Variants in DRD1 observed in about 807,000 individuals in gnomAD.
DRD1 encodes dopamine receptor D1.
In DRD1, 2 loss-of-function variants were observed where a neutral mutation model predicts 23.8. That is an observed-to-expected ratio of 0.08 (90% CI 0.03 to 0.26). The LOEUF (loss-of-function observed/expected upper bound fraction) is 0.26. Ranked by LOEUF, DRD1 falls within the 10% of genes least tolerant of loss-of-function variation. DRD1 has a pLI of 1.00. For synonymous variants in DRD1, 218 were observed against 225.7 expected, an observed-to-expected ratio of 0.97 and a Z score of 0.30; for missense variants, 376 against 559.0, an observed-to-expected ratio of 0.67 and a Z score of 3.30.
In DRD1 at chr5:175,442,399, G is replaced by A. The variant is rs140250188; in HGVS notation, c.701C>T (p.Ala234Val). ...QIRRIAALER[A>V]AVHAKNCQTT... The stretch of plus-strand genomic sequence containing the variant: ...CTGGCAATTCTTGGCGTGGACTGCT[G>A]CCCTCTCCAAGGCCGCAATGCGCCG... The change falls in exon 2 of 2, where the codon GCA (alanine) becomes GTA (valine). Residue 234 changes from alanine (A) to valine (V), a missense_variant. Ala to Val is a moderately conservative substitution (Grantham distance 64). Coordinates refer to ENST00000393752, the MANE Select transcript of DRD1 (RefSeq NM_000794.5). This position sits in a 1 kb window ranked among gnomAD's most constrained non-coding sequence, Gnocchi z 7.3. 1 of 1,614,166 alleles carries A rather than the reference G, an allele frequency of 6.2e-7. No individual in the cohort carries two copies. The highest frequency in any genetic ancestry group is 1.3e-5 in the African/African-American group (1 of 75,060).
In DRD1 at chr5:175,441,871, G is replaced by C. The variant is rs1758524127; in HGVS notation, c.1229C>G (p.Ala410Gly). ...TGGGGACAGCTTCTCCAAGGGTCTG[G>C]CGATGCCAGCTGCCTCCTCCTTTTT... is the stretch of plus-strand genomic sequence containing the variant. ...DLKKEEAAGI[A>G]RPLEKLSPAL... is the part of the protein sequence containing the mutation. The change falls in exon 2 of 2, where the codon GCC becomes GGC. Residue 410 changes from alanine to glycine, a missense_variant. This residue lies in a region of DRD1 where 117 missense variants were observed against 126.9 expected (regional missense o/e 0.92). Transcript: ENST00000393752. The C allele has an allele frequency of 1.2e-6, 2 of 1,614,124 alleles. No homozygotes were observed. The highest frequency in any genetic ancestry group is 4.5e-5 in the East Asian group (2 of 44,868).
rs182894202 is a variant in DRD1, at chr5:175,442,333, G to A, written c.767C>T (p.Pro256Leu). 1.9e-5 allele frequency: 31 copies of A among 1,614,114 alleles called. No homozygotes were observed. In the African/African-American group the frequency reaches 2.5e-4, roughly 13 times the overall value. The change falls in exon 2 of 2, where the codon CCG (proline) becomes CTG (leucine). Residue 256 changes from proline to leucine, a missense_variant. Pro to Leu is a moderately conservative substitution (Grantham distance 98). Around this residue, in one of 5 missense-constraint regions of DRD1, gnomAD observed 44 missense variants for 46.7 expected, o/e 0.94. Coordinates refer to ENST00000393752, the MANE Select transcript of DRD1 (RefSeq NM_000794.5). This position sits in a 1 kb window ranked among gnomAD's most constrained non-coding sequence, Gnocchi z 7.3. ...GNGKPVECSQPESSFKMSFKR... is the reference protein window; with the variant it reads ...GNGKPVECSQLESSFKMSFKR... The stretch of plus-strand genomic sequence containing the variant: ...GAAGGACATCTTAAAAGAACTTTCC[G>A]GTTGAGAACATTCGACAGGCTTTCC...
Position 175,441,526 on chromosome 5 carries a change from C to T in DRD1, c.*233G>A, listed in dbSNP as rs1758516972. ...CTAAAAACAATTCTGAAGCCAAAGA[C>T]ATGTCCCTTATGGCTCCCCATGTTT... On this transcript the variant is annotated 3_prime_UTR_variant, in exon 2 of 2. Coordinates refer to ENST00000393752, the MANE Select transcript of DRD1 (RefSeq NM_000794.5). 2.3e-6 allele frequency: 1 copy of T among 433,384 alleles called. No individual in the cohort carries two copies. Among genetic ancestry groups the T allele is most frequent in the Non-Finnish European group, 4.0e-6 (1 of 250,722 alleles). The allele number at this position is 433,384 out of a possible 1,614,324, so 26.8% of individuals were successfully genotyped here. A position where few individuals can be genotyped will look rare whatever the true frequency, so the allele number is the denominator to read the frequency against.
In DRD1 at chr5:175,440,666, T is replaced by G. The variant is rs554173732; in HGVS notation, c.*1093A>C. On this transcript the variant is annotated 3_prime_UTR_variant, in exon 2 of 2. Transcript: ENST00000393752. ...GATCTCTCTCCAGGAAAGCCATTTG[T>G]GTGGTTCAGAAAAACTACCTGACAC... 6.5e-6 allele frequency: 1 copy of G among 152,774 alleles called. No homozygotes were observed. The allele number at this position is 152,774 out of a possible 1,614,324, so 9.5% of individuals were successfully genotyped here. A position where few individuals can be genotyped will look rare whatever the true frequency, so the allele number is the denominator to read the frequency against.
At position 175,440,683 on chromosome 5, in the gene DRD1, A is replaced by G. The variant is rs575707624; in HGVS notation, c.*1076T>C. The G allele has an allele frequency of 6.5e-6, 1 of 152,730 alleles. No individual in the cohort carries two copies. Among genetic ancestry groups the G allele is most frequent in the South Asian group, 2.1e-4 (1 of 4,818 alleles). The allele number at this position is 152,730 out of a possible 1,614,324, so 9.5% of individuals were successfully genotyped here. A position where few individuals can be genotyped will look rare whatever the true frequency, so the allele number is the denominator to read the frequency against. The stretch of plus-strand genomic sequence containing the variant: ...GCCATTTGTGTGGTTCAGAAAAACT[A>G]CCTGACACATGAAATGAGAAAAGAT... On this transcript the variant is annotated 3_prime_UTR_variant, in exon 2 of 2. Transcript: ENST00000393752.
chr5:175,443,072 C>T lies in DRD1; in HGVS notation c.28G>A (p.Asp10Asn), dbSNP rs1410757996. The T allele has an allele frequency of 6.2e-7, 1 of 1,614,098 alleles. No individual in the cohort carries two copies. The highest frequency in any genetic ancestry group is 8.5e-7 in the Non-Finnish European group (1 of 1,180,008). The part of the protein sequence containing the change: MRTLNTSAM[D>N]GTGLVVERDF... ...CTCTCCACCACCAGCCCAGTCCCGT[C>T]CATGGCAGAGGTGTTCAGAGTCCTC... The change falls in exon 2 of 2, where the codon GAC becomes AAC. Residue 10 changes from aspartate to asparagine, a missense_variant. Physicochemically the swap from Asp to Asn is conservative, Grantham distance 23. Around this residue, in one of 5 missense-constraint regions of DRD1, gnomAD observed 47 missense variants for 39.4 expected, o/e 1.19. Transcript: ENST00000393752.
chr5:175,440,639 C>T lies in DRD1; in HGVS notation c.*1120G>A, dbSNP rs931733713. Reference sequence around the variant, plus strand: ...CTGCTGTAACCCACTGTCTGTGCTACAGATCTCTCTCCAGGAAAGCCATTT... The same window carrying T: ...CTGCTGTAACCCACTGTCTGTGCTATAGATCTCTCTCCAGGAAAGCCATTT... On this transcript the variant is annotated 3_prime_UTR_variant, in exon 2 of 2. Coordinates refer to ENST00000393752, the MANE Select transcript of DRD1 (RefSeq NM_000794.5). 40 of 152,622 alleles carry T rather than the reference C, an allele frequency of 2.6e-4. No individual in the cohort carries two copies. The highest frequency in any genetic ancestry group is 9.6e-4 in the African/African-American group (40 of 41,452). The allele number at this position is 152,622 out of a possible 1,614,324, so 9.5% of individuals were successfully genotyped here.
Position 175,442,745 on chromosome 5 carries a change from C to T in DRD1, c.355G>A (p.Val119Met), listed in dbSNP as rs756568052. 2.5e-6 allele frequency: 4 copies of T among 1,614,100 alleles called. No homozygotes were observed. Among genetic ancestry groups the T allele is most frequent in the East Asian group, 2.2e-5 (1 of 44,876 alleles). ...ASILNLCVIS[V>M]DRYWAISSPF... ...CTGGAGATAGCCCAATACCTGTCCA[C>T]GCTGATCACACAGAGGTTGAGGATG... is the stretch of plus-strand genomic sequence containing the variant. The change falls in exon 2 of 2, where the codon GTG becomes ATG. Residue 119 changes from valine (V) to methionine (M), a missense_variant. This residue lies in a region of DRD1 where 121 missense variants were observed against 239.4 expected (regional missense o/e 0.51). Transcript: ENST00000393752. The surrounding 1 kb of genome is among the most constrained non-coding windows in gnomAD (Gnocchi z 7.3).
Position 175,442,605 on chromosome 5 carries a change from C to T in DRD1, c.495G>A (p.Lys165=). Residue 165 remains lysine, a synonymous_variant, in exon 2 of 2, where the codon AAG becomes AAA. Transcript: ENST00000393752. The surrounding 1 kb of genome is among the most constrained non-coding windows in gnomAD (Gnocchi z 7.3). ...CATCAGAGGGGCTTGTGGGTTTTGCCTTGTGCCAGCTGAGCTGCACTGGGA... is the reference window on the plus strand; with the variant it reads ...CATCAGAGGGGCTTGTGGGTTTTGCTTTGTGCCAGCTGAGCTGCACTGGGA... ...SFIPVQLSWH[K]AKPTSPSDGN... is the part of the protein sequence containing the mutation. 6.2e-7 allele frequency: 1 copy of T among 1,614,138 alleles called. No homozygotes were observed. Among genetic ancestry groups the T allele is most frequent in the South Asian group, 1.1e-5 (1 of 91,068 alleles).
Position 175,441,376 on chromosome 5 carries a change from C to T in DRD1, c.*383G>A, listed in dbSNP as rs1346965796. On this transcript the variant is annotated 3_prime_UTR_variant, in exon 2 of 2. Transcript: ENST00000393752. ...AAAACTTTGCTGGGAACAGTGTTAG[C>T]ACCTGTTTGTATACAGCAAACTCAA... 1.2e-5 allele frequency: 2 copies of T among 168,472 alleles called. No homozygotes were observed. Among genetic ancestry groups the T allele is most frequent in the East Asian group, 1.7e-4 (1 of 6,052 alleles). The allele number at this position is 168,472 out of a possible 1,614,324, so 10.4% of individuals were successfully genotyped here.
rs1758567541 is a variant in DRD1, at chr5:175,443,872, A to T, written c.-657T>A. 6.5e-6 allele frequency: 1 copy of T among 153,446 alleles called. No individual in the cohort carries two copies. The highest frequency in any genetic ancestry group is 6.5e-5 in the Admixed American group (1 of 15,300). 9.5% of individuals were successfully genotyped at this position (153,446 alleles called of 1,614,324 possible). ...GGGGTGCGTTTGGGGAAAGGATCCC[A>T]GGCCAGGTCCCAAGAGAGGCGGCGG... is the stretch of plus-strand genomic sequence containing the variant. On this transcript the variant is annotated 5_prime_UTR_variant, in exon 1 of 2. Coordinates refer to ENST00000393752, the MANE Select transcript of DRD1 (RefSeq NM_000794.5).
At position 175,443,239 on chromosome 5, in the gene DRD1, C is replaced by T; in HGVS notation, c.-140G>A. 8.7e-7 allele frequency: 1 copy of T among 1,154,558 alleles called. No individual in the cohort carries two copies. The highest frequency in any genetic ancestry group is 2.7e-5 in the Admixed American group (1 of 37,220). 71.5% of individuals were successfully genotyped at this position (1,154,558 alleles called of 1,614,324 possible). On this transcript the variant is annotated 5_prime_UTR_variant, in exon 2 of 2. The change abolishes the stop of an existing upstream ORF in the 5' untranslated region. Coordinates refer to ENST00000393752, the MANE Select transcript of DRD1 (RefSeq NM_000794.5). ...AGATTGCTTCCCTGGCAGAGGGCCTCACCAACATTCCATGAGAGGACCGCT... is the reference window on the plus strand; with the variant it reads ...AGATTGCTTCCCTGGCAGAGGGCCTTACCAACATTCCATGAGAGGACCGCT...
In DRD1 at chr5:175,441,678, C is replaced by T; in HGVS notation, c.*81G>A. ...CTGACACCTCAGAGTCTCACCGTAC[C>T]TTAGTTTCTTAATAGCAAGCCCCAG... On this transcript the variant is annotated 3_prime_UTR_variant, in exon 2 of 2. Transcript: ENST00000393752. The T allele has an allele frequency of 1.3e-6, 2 of 1,490,502 alleles. 1 individual carries two copies. Among genetic ancestry groups the T allele is most frequent in the South Asian group, 2.7e-5 (2 of 72,990 alleles). 92.3% of individuals were successfully genotyped at this position (1,490,502 alleles called of 1,614,324 possible). A position where few individuals can be genotyped will look rare whatever the true frequency, so the allele number is the denominator to read the frequency against.
chr5:175,443,070 G>T lies in DRD1; in HGVS notation c.30C>A (p.Asp10Glu). The T allele has an allele frequency of 1.2e-6, 2 of 1,614,070 alleles. No individual in the cohort carries two copies. Among genetic ancestry groups the T allele is most frequent in the Non-Finnish European group, 8.5e-7 (1 of 1,180,000 alleles). Residue 10 changes from aspartate to glutamate, a missense_variant, in exon 2 of 2, where the codon GAC becomes GAA. By Grantham distance (45) the Asp-to-Glu change is conservative (BLOSUM62 2). Around this residue, in one of 5 missense-constraint regions of DRD1, gnomAD observed 47 missense variants for 39.4 expected, o/e 1.19. Coordinates refer to ENST00000393752, the MANE Select transcript of DRD1 (RefSeq NM_000794.5). Reference sequence around the variant, plus strand: ...CCCTCTCCACCACCAGCCCAGTCCCGTCCATGGCAGAGGTGTTCAGAGTCC... The same window carrying T: ...CCCTCTCCACCACCAGCCCAGTCCCTTCCATGGCAGAGGTGTTCAGAGTCC... MRTLNTSAM[D>E]GTGLVVERDF...
Position 175,442,048 on chromosome 5 carries a change from CAA to C in DRD1, c.1050_1051del (p.Cys351ProfsTer5), listed in dbSNP as rs1758531724. The C allele has an allele frequency of 6.2e-7, 1 of 1,613,982 alleles. No homozygotes were observed. Among genetic ancestry groups the C allele is most frequent in the African/African-American group, 1.3e-5 (1 of 74,914 alleles). On this transcript the variant is annotated frameshift_variant, in exon 2 of 2. Transcript: ENST00000393752. LOFTEE classifies it high-confidence loss of function. This position sits in a 1 kb window ranked among gnomAD's most constrained non-coding sequence, Gnocchi z 7.3. ...CTCTATGGCATTATTCGTCGCAGGG[CAA>C]AGTCTGTAGCATCCTAAGAGGGTTG...
In DRD1 at chr5:175,443,330, C is replaced by A; in HGVS notation, c.-231G>T. 1.7e-6 allele frequency: 1 copy of A among 594,678 alleles called. No individual in the cohort carries two copies. Among genetic ancestry groups the A allele is most frequent in the Non-Finnish European group, 3.0e-6 (1 of 332,854 alleles). 36.8% of individuals were successfully genotyped at this position (594,678 alleles called of 1,614,324 possible). On this transcript the variant is annotated 5_prime_UTR_variant, in exon 2 of 2. Transcript: ENST00000393752. ...GATTTCTACATCTGTCTTCTGACTC[C>A]CTTGCTGCAGGTCACTGTCTTGGGC...
chr5:175,442,841 C>A lies in DRD1; in HGVS notation c.259G>T (p.Ala87Ser), dbSNP rs905587833. ...AAGGACCCAAAGGGCCAGAAGCCAG[C>A]AATCTCAGCCACTGCCTTCCAGGGC... ...VMPWKAVAEI[A>S]GFWPFGSFCN... Residue 87 changes from alanine (A) to serine (S), a missense_variant, in exon 2 of 2, where the codon GCT becomes TCT. Around this residue, in one of 5 missense-constraint regions of DRD1, gnomAD observed 121 missense variants for 239.4 expected, o/e 0.51. Transcript: ENST00000393752. The surrounding 1 kb of genome is among the most constrained non-coding windows in gnomAD (Gnocchi z 7.3). The A allele has an allele frequency of 6.2e-7, 1 of 1,614,166 alleles. No individual in the cohort carries two copies. The highest frequency in any genetic ancestry group is 8.5e-7 in the Non-Finnish European group (1 of 1,180,030).
Position 175,442,343 on chromosome 5 carries a change from A to G in DRD1, c.757T>C (p.Cys253Arg), listed in dbSNP as rs1412222904. Residue 253 changes from cysteine to arginine, a missense_variant, in exon 2 of 2, where the codon TGT becomes CGT. This residue lies in a region of DRD1 where 44 missense variants were observed against 46.7 expected (regional missense o/e 0.94). Transcript: ENST00000393752. The surrounding 1 kb of genome is among the most constrained non-coding windows in gnomAD (Gnocchi z 7.3). ...TTAAAAGAACTTTCCGGTTGAGAAC[A>G]TTCGACAGGCTTTCCATTACCTGTG... ...TTTGNGKPVE[C>R]SQPESSFKMS... 6.2e-7 allele frequency: 1 copy of G among 1,614,128 alleles called. No individual in the cohort carries two copies. The highest frequency in any genetic ancestry group is 1.1e-5 in the South Asian group (1 of 91,086).
rs768208899 is a variant in DRD1 at position 175,442,011 on chromosome 5, G to C, written c.1089C>G (p.Ile363Met). 6.2e-7 allele frequency: 1 copy of C among 1,614,020 alleles called. No homozygotes were observed. Among genetic ancestry groups the C allele is most frequent in the African/African-American group, 1.3e-5 (1 of 74,904 alleles). Residue 363 changes from isoleucine (I) to methionine (M), a missense_variant, in exon 2 of 2, where the codon ATC (isoleucine) becomes ATG (methionine). Ile to Met is a conservative substitution (Grantham distance 10). Transcript: ENST00000393752. The surrounding 1 kb of genome is among the most constrained non-coding windows in gnomAD (Gnocchi z 7.3). ...ATNNAIETVS[I>M]NNNGAAMFSS... ...AAAACATCGCGGCCCCATTGTTATT[G>C]ATACTCACCGTCTCTATGGCATTAT...
Sources: allele counts gnomAD v4.1 joint callset, GRCh38; gene constraint gnomAD v4.1.1; regional missense constraint gnomAD v4.1.1; non-coding constraint Gnocchi (gnomAD v3.1); transcripts MANE v1.5; gene names NCBI Gene and HGNC (gene_info 2026-07-23, HGNC 2026-07-21).